UGGT2: variants seen among roughly 807,000 people sequenced by gnomAD.
UGGT2 encodes the protein UDP-glucose:glycoprotein glucosyltransferase 2.
In UGGT2, 180 loss-of-function variants were observed where a neutral mutation model predicts 192.1. That is an observed-to-expected ratio of 0.94 (90% confidence interval 0.83 to 1.06). The LOEUF (loss-of-function observed/expected upper bound fraction) is 1.06. UGGT2 is among the 50% of genes least tolerant of loss of function. UGGT2 has a pLI of 0.00. For synonymous variants in UGGT2, 580 were observed against 591.0 expected, an observed-to-expected ratio of 0.98 and a Z score of 0.27; for missense variants, 1,849 against 1,795.7, an observed-to-expected ratio of 1.03 and a Z score of -0.54.
intron 13 of UGGT2, among the ~76,000 whole-genome samples, chr13:95,948,779 T>A (rs2049964505): frequency 6.6e-6 from 1 of 151,900 alleles, no homozygotes. Context: ...GGCTAAAGAG[T>A]AAGAGGCAGA....
chr13:95,842,108 A>C (rs966381777), intron 36 of UGGT2, among the ~76,000 whole-genome samples: 2 of 152,158 alleles, frequency 1.3e-5, no homozygotes, highest in Non-Finnish European at 2.9e-5. Flanking sequence ...ATTTCTGTGA[A>C]ACCATCACAT....
At chr13:95,929,993 T>G (rs2049189346) in intron 17 of UGGT2, among the ~76,000 whole-genome samples, 2 of 152,194 alleles carry the variant, frequency 1.3e-5, no homozygotes, top group Non-Finnish European at 2.9e-5. Flanking sequence ...TACGAGATGG[T>G]GTCTCCTTTT....
chr13:95,884,412 C>A, intron 27 of UGGT2, 79 bp downstream of exon 27: 2 of 1,148,698 alleles, frequency 1.7e-6, no homozygotes, highest in Non-Finnish European at 2.4e-6. Flanking sequence ...AGTATGATTG[C>A]TCACTTGCTA....
intron 1 of UGGT2, among the ~76,000 whole-genome samples, chr13:96,033,485 T>C (rs2052902783): frequency 6.6e-6 from 1 of 152,088 alleles, no homozygotes; most frequent in Non-Finnish European, 1.5e-5. Context: ...CCATGCCTCC[T>C]ACTGAGTTGG....
intron 38 of UGGT2, 77 bp downstream of exon 38, chr13:95,832,850 A>C (rs1886871466): frequency 1.3e-6 from 2 of 1,560,874 alleles, no homozygotes; most frequent in Admixed American, 1.8e-5. Context: ...AAATTCACTA[A>C]GAAATGAGTC....
chr13:95,876,978 G>T, intron 29 of UGGT2: 1 of 174,802 alleles, frequency 5.7e-6, no homozygotes, highest in East Asian at 1.5e-4. Context: ...GCCTCCCGAA[G>T]ATTCAAGCAA....
At chr13:95,829,633 A>ATG (rs1886446030) in intron 38 of UGGT2, among the ~76,000 whole-genome samples, 1 of 152,232 alleles carries the variant, frequency 6.6e-6, no homozygotes, top group Admixed American at 6.5e-5. Flanking sequence ...GGACCTCTTC[A>ATG]AAGAGAACTA....
intron 1 of UGGT2, among the ~76,000 whole-genome samples, chr13:96,045,934 G>A (rs971751809): frequency 6.6e-6 from 1 of 151,940 alleles, no homozygotes; most frequent in African/African-American, 2.4e-5. Context: ...CAAATTCAAT[G>A]CAATTCCCAT....
At chr13:95,922,347 T>C (rs766173942) in intron 20 of UGGT2, among the ~76,000 whole-genome samples, 1 of 152,152 alleles carries the variant, frequency 6.6e-6, no homozygotes, top group Non-Finnish European at 1.5e-5. Flanking sequence ...AAAAACTACC[T>C]ATCAGGTACT....
intron 1 of UGGT2, among the ~76,000 whole-genome samples, chr13:96,037,603 GA>G (rs1233719482): frequency 2.6e-5 from 4 of 152,182 alleles, no homozygotes; most frequent in Non-Finnish European, 5.9e-5. Flanking sequence ...TTTCCAGGAT[GA>G]ACTGAAAAAT....
At chr13:96,020,132 G>A (rs1015653764) in intron 4 of UGGT2, among the ~76,000 whole-genome samples, 3 of 152,176 alleles carry the variant, frequency 2.0e-5, no homozygotes, top group African/African-American at 7.2e-5. Flanking sequence ...ATTTGAGCAG[G>A]GAGGCTTATT....
At chr13:96,002,867 A>C (rs778711144) in intron 5 of UGGT2, among the ~76,000 whole-genome samples, 1 of 152,190 alleles carries the variant, frequency 6.6e-6, no homozygotes, top group Non-Finnish European at 1.5e-5. Flanking sequence ...GATGTGCTGG[A>C]AATGCAAGAA....
intron 25 of UGGT2, among the ~76,000 whole-genome samples, chr13:95,889,922 T>A (rs1441709525): frequency 1.3e-5 from 2 of 152,256 alleles, no homozygotes; most frequent in Non-Finnish European, 2.9e-5. Flanking sequence ...AGTGCAGAGA[T>A]GATGTTAGGG....
intron 30 of UGGT2, among the ~76,000 whole-genome samples, chr13:95,864,569 A>C (rs1890471386): frequency 6.6e-6 from 1 of 152,194 alleles, no homozygotes. Context: ...TTCCACCAGC[A>C]GAGAACTATT....
At chr13:95,994,989 T>C (rs930315124) in intron 7 of UGGT2, among the ~76,000 whole-genome samples, 1 of 152,054 alleles carries the variant, frequency 6.6e-6, no homozygotes, top group African/African-American at 2.4e-5. Context: ...TTTCAAATTT[T>C]CTAGTTATCC....
intron 20 of UGGT2, among the ~76,000 whole-genome samples, chr13:95,918,544 G>C (rs889582313): frequency 1.3e-5 from 2 of 152,008 alleles, no homozygotes; most frequent in Admixed American, 6.6e-5. Flanking sequence ...AACTGAAGGA[G>C]TTAGACAAAC....
chr13:95,856,391 TGTTTTA>T, intron 33 of UGGT2, 51 bp from the exon 34 acceptor site: 1 of 1,560,504 alleles, frequency 6.4e-7, no homozygotes, highest in Non-Finnish European at 8.6e-7. Flanking sequence ...AAAGTAGTTT[TGTTTTA>T]GAGAAAAAAA....
At chr13:95,914,476 G>A (rs1465654079) in intron 20 of UGGT2, among the ~76,000 whole-genome samples, 2 of 151,710 alleles carry the variant, frequency 1.3e-5, no homozygotes, top group African/African-American at 4.8e-5. Flanking sequence ...ATAATTAATA[G>A]AATTAAAACT....
intron 31 of UGGT2, among the ~76,000 whole-genome samples, chr13:95,862,932 G>A (rs902025256): frequency 2.0e-5 from 3 of 152,060 alleles, no homozygotes; most frequent in African/African-American, 7.2e-5. Context: ...TTGCAATCTT[G>A]ACTTACTGCA....
Sources: gnomAD v4.1 joint callset for allele counts (sites outside exome capture counted in the v4.1 genomes callset) on GRCh38, gnomAD v4.1.1 for gene constraint, MANE v1.5 for transcripts, NCBI Gene and HGNC (gene_info 2026-07-23, HGNC 2026-07-21) for gene names.